Variants in VAMP7 observed in about 807,000 individuals in gnomAD.
VAMP7 encodes vesicle associated membrane protein 7, also known as vesicle-associated membrane protein 7.
VAMP7 carries 14 observed loss-of-function variants against 29.6 expected under a neutral mutation model. The observed-to-expected ratio is 0.47, with a 90% CI of 0.31 to 0.74. The LOEUF (loss-of-function observed/expected upper bound fraction) is 0.74, where lower values mean the gene tolerates loss of function less well. Ranked by LOEUF, VAMP7 falls within the 30% of genes least tolerant of loss-of-function variation. The pLI, the probability that VAMP7 is intolerant of heterozygous loss-of-function variation, is 0.05. For synonymous variants in VAMP7, 95 were observed against 88.1 expected (o/e 1.08, Z -0.44); for missense variants, 223 against 262.4 (o/e 0.85, Z 1.04).
At chrX:155,941,234 G>C (rs1030628304) in intron 7 of VAMP7, among the ~76,000 whole-genome samples, 35 of 152,068 alleles carry the variant, frequency 2.3e-4, no homozygotes, top group Admixed American at 7.2e-4. Context: ...ATATAATAAT[G>C]TGAACAAGTA....
intron 6 of VAMP7, among the ~76,000 whole-genome samples, chrX:155,932,961 C>T (rs1295482928): frequency 6.6e-6 from 1 of 152,024 alleles, no homozygotes; most frequent in Non-Finnish European, 1.5e-5. Flanking sequence ...TTGAGATGAT[C>T]GTGTGTTTTT....
At chrX:155,904,394 A>G (rs1321720063) in intron 5 of VAMP7, among the ~76,000 whole-genome samples, 29 of 152,052 alleles carry the variant, frequency 1.9e-4, no homozygotes, top group Non-Finnish European at 1.5e-5. Flanking sequence ...TTAAAATGTG[A>G]CAAGAACATT....
At chrX:155,904,691 G>A (rs2066122463) in intron 5 of VAMP7, among the ~76,000 whole-genome samples, 2 of 151,744 alleles carry the variant, frequency 1.3e-5, no homozygotes, top group Admixed American at 6.6e-5. Flanking sequence ...GTAATATGTG[G>A]CCTTTTGTGT....
intron 6 of VAMP7, among the ~76,000 whole-genome samples, chrX:155,929,175 T>C (rs2066512217): frequency 6.6e-6 from 1 of 152,130 alleles, no homozygotes; most frequent in African/African-American, 2.4e-5. Context: ...AACTATACAG[T>C]TTACACGTTT....
rs1324275951 is a variant in VAMP7, at chrX:155,901,981, A to T, written c.433+1394A>T. Among the ~76,000 whole-genome samples, 5 of 152,128 alleles carry T rather than the reference A, an allele frequency of 3.3e-5. 1 individual carries two copies. In the East Asian group the frequency reaches 7.7e-4, roughly 24 times the overall value. ...CTTGGGCAGTATGGCCATTTTCATG[A>T]TATTGATTCTTCCTACCCATGAACA... On this transcript the variant is annotated intron_variant, in intron 5 of 7. Transcript: ENST00000286448.
chrX:155,901,964 G>A (rs2066068847), intron 5 of VAMP7, among the ~76,000 whole-genome samples: 1 of 152,054 alleles, frequency 6.6e-6, no homozygotes. Flanking sequence ...ACCTTGGGCA[G>A]TATGGCCATT....
intron 6 of VAMP7, among the ~76,000 whole-genome samples, chrX:155,920,369 A>C (rs2066377957): frequency 6.6e-6 from 1 of 152,172 alleles, no homozygotes; most frequent in African/African-American, 2.4e-5. Flanking sequence ...TGTCCTTGTG[A>C]GCTGCTTATA....
chrX:155,929,014 C>T (rs2066510368), intron 6 of VAMP7, among the ~76,000 whole-genome samples: 2 of 151,990 alleles, frequency 1.3e-5, no homozygotes, highest in African/African-American at 4.8e-5. Flanking sequence ...GATGATAATC[C>T]CTTCAAGAAT....
At chrX:155,930,696 A>AT (rs201002707) in intron 6 of VAMP7, among the ~76,000 whole-genome samples, 1,604 of 147,260 alleles carry the variant, frequency 0.011, 7 homozygotes, top group Non-Finnish European at 0.017. Flanking sequence ...TTTATTTTTT[A>AT]TTTTTTTTAT....
chrX:155,938,152 T>C (rs931845115), intron 6 of VAMP7, among the ~76,000 whole-genome samples: 1 of 152,200 alleles, frequency 6.6e-6, no homozygotes, highest in African/African-American at 2.4e-5. Context: ...TCTATCTTGT[T>C]TCCCATATTA....
rs192565683 is a variant in VAMP7 at position 155,925,481 on chromosome X, G to A, written c.501+5601G>A. 3.0e-3 allele frequency among the ~76,000 whole-genome samples: 459 copies of A among 152,318 alleles called. 1 individual carries two copies. The highest frequency in any genetic ancestry group is 0.011 in the African/African-American group (441 of 41,586). ...AAAGTTTATTTTGCCAAAGTTGAGA[G>A]CGCACACCCGTGACACAGCCTCAGG... On this transcript the variant is annotated intron_variant, in intron 6 of 7. Coordinates refer to ENST00000286448, the MANE Select transcript of VAMP7 (RefSeq NM_005638.6).
At chrX:155,930,109 C>G (rs1569449516) in intron 6 of VAMP7, among the ~76,000 whole-genome samples, 1 of 152,136 alleles carries the variant, frequency 6.6e-6, no homozygotes, top group African/African-American at 2.4e-5. Context: ...CAGTGTGTGA[C>G]AAAATGTGCA....
chrX:155,887,913 G>A (rs2065883614), intron 1 of VAMP7, among the ~76,000 whole-genome samples: 1 of 150,782 alleles, frequency 6.6e-6, no homozygotes, highest in South Asian at 2.1e-4. Context: ...CCTGGAGCTT[G>A]GGTGACAGAG....
chrX:155,921,208 A>C (rs1307768229), intron 6 of VAMP7, among the ~76,000 whole-genome samples: 1 of 152,216 alleles, frequency 6.6e-6, no homozygotes, highest in East Asian at 1.9e-4. Context: ...GACTGAAAAC[A>C]GAAGGTACTA....
intron 5 of VAMP7, among the ~76,000 whole-genome samples, chrX:155,916,181 T>C (rs1487318347): frequency 6.6e-6 from 1 of 152,218 alleles, no homozygotes; most frequent in African/African-American, 2.4e-5. Flanking sequence ...TTGCAGCCAC[T>C]GCTTTTTTTT....
intron 4 of VAMP7, among the ~76,000 whole-genome samples, chrX:155,900,181 G>A (rs970063170): frequency 6.6e-6 from 1 of 151,736 alleles, no homozygotes; most frequent in African/African-American, 2.4e-5. Context: ...CCTTGTCTGA[G>A]CACAGATTAT....
At chrX:155,917,637 C>T (rs1485733033) in intron 5 of VAMP7, among the ~76,000 whole-genome samples, 1 of 152,140 alleles carries the variant, frequency 6.6e-6, no homozygotes, top group African/African-American at 2.4e-5. Context: ...CCAGCGGAGG[C>T]TGCAGAACAG....
At chrX:155,884,131 T>G (rs2065838351) in intron 1 of VAMP7, among the ~76,000 whole-genome samples, 1 of 150,544 alleles carries the variant, frequency 6.6e-6, no homozygotes, top group Admixed American at 6.7e-5. Flanking sequence ...AAATTAAACT[T>G]TTTTTTTTCT....
chrX:155,894,301 G>GTTTTTTTTT (rs1195549080), intron 2 of VAMP7, among the ~76,000 whole-genome samples: 3 of 64,870 alleles, frequency 4.6e-5, no homozygotes, highest in Non-Finnish European at 9.7e-5. Flanking sequence ...TGTGTCCTTT[G>GTTTTTTTTT]TTTTTTTTTT....
Sources: allele counts gnomAD v4.1 joint callset (sites outside exome capture counted in the v4.1 genomes callset), GRCh38; gene constraint gnomAD v4.1.1; transcripts MANE v1.5; gene names NCBI Gene and HGNC (gene_info 2026-07-23, HGNC 2026-07-21).